Variants in CUX1 observed in about 807,000 individuals in gnomAD.
The protein encoded by CUX1 is cut like homeobox 1.
A neutral mutation model predicts 158.8 loss-of-function variants in CUX1; 31 were observed. That is an observed-to-expected ratio of 0.20 (90% CI 0.15 to 0.26). CUX1 has a LOEUF of 0.26. CUX1 is among the 10% of genes least tolerant of loss of function. The probability of loss-of-function intolerance (pLI) is 1.00; values close to 1 mark genes in which losing one functional copy is unlikely to be tolerated. For synonymous variants in CUX1, 879 were observed against 862.1 expected (o/e 1.02, Z -0.34); for missense variants, 1,589 against 2,014.6 (o/e 0.79, Z 4.04).
intron 6 of CUX1, among the ~76,000 whole-genome samples, chr7:102,110,483 GT>G (rs1338785747): frequency 6.6e-6 from 1 of 152,106 alleles, no homozygotes; most frequent in Admixed American, 6.6e-5. Flanking sequence ...TTACGCTCTA[GT>G]GTGTTACGCA....
At chr7:101,913,132 ATG>A (rs532794112) in intron 1 of CUX1, 116 of 227,104 alleles carry the variant, frequency 5.1e-4, no homozygotes, top group Middle Eastern at 2.0e-3. Context: ...ACTGGTTTTT[ATG>A]TGTGTGTGTG....
intron 1 of CUX1, among the ~76,000 whole-genome samples, chr7:101,905,723 G>T (rs1357397737): frequency 6.6e-6 from 1 of 152,158 alleles, no homozygotes; most frequent in Non-Finnish European, 1.5e-5. Flanking sequence ...CTCCAAGATG[G>T]GAAGGCATTG....
chr7:102,168,243 C>A (rs1015531793), intron 9 of CUX1, among the ~76,000 whole-genome samples: 39 of 152,166 alleles, frequency 2.6e-4, no homozygotes, highest in Non-Finnish European at 5.6e-4. Flanking sequence ...GGCCTAGACA[C>A]ACCCACCCAG....
chr7:102,216,608 A>ACC (rs782157499), intron 20 of CUX1, among the ~76,000 whole-genome samples: 1 of 67,694 alleles, frequency 1.5e-5, no homozygotes, highest in Non-Finnish European at 2.9e-5. Flanking sequence ...CCACACACAC[A>ACC]CACACACTCC....
Position 102,048,444 on chromosome 7 carries a change from T to A in CUX1, c.189+20299T>A, listed in dbSNP as rs143334277. Among the ~76,000 whole-genome samples, 1,122 of 152,244 alleles carry A rather than the reference T, an allele frequency of 7.4e-3. 8 individuals carry two copies. The highest frequency in any genetic ancestry group is 0.012 in the Non-Finnish European group (789 of 68,014). ...GTCACTCGGTTGGAAGGCGTGGTAG[T>A]GTTAGAACCCAGGTGTTTGAACTCG... is the stretch of plus-strand genomic sequence containing the variant. On this transcript the variant is annotated intron_variant, in intron 3 of 23. Transcript: ENST00000292535.
intron 3 of CUX1, among the ~76,000 whole-genome samples, chr7:102,044,138 G>A (rs1401150878): frequency 2.6e-5 from 4 of 151,580 alleles, no homozygotes; most frequent in African/African-American, 4.8e-5. Flanking sequence ...GAGCCACTGC[G>A]CCAGGCCTTA....
chr7:102,202,851 A>G (rs529655083), intron 18 of CUX1, among the ~76,000 whole-genome samples: 13 of 152,286 alleles, frequency 8.5e-5, no homozygotes, highest in Admixed American at 2.6e-4. Flanking sequence ...GTAATCGTGC[A>G]TGGACGAGCT....
At chr7:101,872,239 T>G (rs1275926803) in intron 1 of CUX1, among the ~76,000 whole-genome samples, 1 of 152,136 alleles carries the variant, frequency 6.6e-6, no homozygotes, top group Non-Finnish European at 1.5e-5. Context: ...GTTCAAGTGA[T>G]TCTCATGCTG....
Position 102,189,801 on chromosome 7 carries a change from C to T in CUX1, c.1018-12C>T. On this transcript the variant is annotated splice_polypyrimidine_tract_variant and intron_variant, in intron 11 of 23. Coordinates refer to ENST00000292535, the MANE Select transcript of CUX1 (RefSeq NM_181552.4). Reference sequence around the variant, plus strand: ...AGGCATGGCCACTGATCAAATTCTTCTCTGTTTTCAGCAACTGGAAGAAAA... The same window carrying T: ...AGGCATGGCCACTGATCAAATTCTTTTCTGTTTTCAGCAACTGGAAGAAAA... 6.2e-7 allele frequency: 1 copy of T among 1,614,188 alleles called. No individual in the cohort carries two copies. Among genetic ancestry groups the T allele is most frequent in the South Asian group, 1.1e-5 (1 of 91,088 alleles).
At chr7:102,261,795 T>C (rs1280147634), downstream of CUX1, among the ~76,000 whole-genome samples, 33 of 152,138 alleles carry the variant, frequency 2.2e-4, no homozygotes, top group Non-Finnish European at 2.9e-5. Flanking sequence ...CTAGTGCTTC[T>C]GTTTCTGTCT....
intron 3 of CUX1, among the ~76,000 whole-genome samples, chr7:102,028,415 A>C (rs1160010782): frequency 1.3e-5 from 2 of 152,186 alleles, no homozygotes; most frequent in Non-Finnish European, 2.9e-5. Context: ...TGGTTGCAAC[A>C]GGCAGGTTGT....
intron 8 of CUX1, among the ~76,000 whole-genome samples, chr7:102,116,147 G>T (rs1422781145): frequency 1.3e-5 from 2 of 152,120 alleles, no homozygotes; most frequent in Non-Finnish European, 2.9e-5. Flanking sequence ...GTCCCACCAG[G>T]CTCCACCTCT....
At chr7:102,021,930 T>C (rs577081217) in intron 2 of CUX1, among the ~76,000 whole-genome samples, 59 of 152,256 alleles carry the variant, frequency 3.9e-4, no homozygotes, top group Non-Finnish European at 7.5e-4. Flanking sequence ...CCTCCTTCTA[T>C]GTGTGCATTG....
At chr7:102,156,753 T>G (rs1172173367) in intron 8 of CUX1, among the ~76,000 whole-genome samples, 1 of 151,908 alleles carries the variant, frequency 6.6e-6, no homozygotes, top group Non-Finnish European at 1.5e-5. Flanking sequence ...TCCCCAGGAG[T>G]AGACTTGCCC....
At chr7:102,280,727 C>T in intron 19 of CUX1, 1 of 1,477,632 alleles carries the variant, frequency 6.8e-7, no homozygotes, top group Non-Finnish European at 9.3e-7. Context: ...TGTGGCTGGC[C>T]AGGCCCTGCT....
At chr7:101,886,628 G>A (rs2131601429) in intron 1 of CUX1, among the ~76,000 whole-genome samples, 1 of 152,282 alleles carries the variant, frequency 6.6e-6, no homozygotes, top group South Asian at 2.1e-4. Context: ...GAAAGGCTTA[G>A]GGTCCCCTGC....
rs1165110282 is a variant in CUX1, at chr7:102,250,549, C to T, written c.*1507C>T. 9 of 985,322 alleles carry T rather than the reference C, an allele frequency of 9.1e-6. No homozygotes were observed. The South Asian group carries it at 1.4e-4, about 15-fold the overall frequency. The allele number at this position is 985,322 out of a possible 1,614,324, so 61.0% of individuals were successfully genotyped here. Reference sequence around the variant, plus strand: ...CTTCCTTTCTCTGCAGGAGAGAGAACGTGGCATTCTGGGCTCCCCACTCCC... The same window carrying T: ...CTTCCTTTCTCTGCAGGAGAGAGAATGTGGCATTCTGGGCTCCCCACTCCC... On this transcript the variant is annotated 3_prime_UTR_variant, in exon 24 of 24. Transcript: ENST00000292535.
chr7:102,163,347 T>A (rs1400023666), intron 9 of CUX1, among the ~76,000 whole-genome samples: 6 of 146,832 alleles, frequency 4.1e-5, no homozygotes, highest in African/African-American at 1.5e-4. Context: ...AAAAAAAAAA[T>A]AGCCAGGTGT....
intron 2 of CUX1, among the ~76,000 whole-genome samples, chr7:101,963,260 C>T (rs1371293771): frequency 5.9e-5 from 9 of 152,178 alleles, no homozygotes; most frequent in Non-Finnish European, 1.2e-4. Flanking sequence ...CTCGCCTGTC[C>T]TCCCCCTCAC....
Sources: gnomAD v4.1 joint callset for allele counts (sites outside exome capture counted in the v4.1 genomes callset) on GRCh38, gnomAD v4.1.1 for gene constraint, MANE v1.5 for transcripts, NCBI Gene and HGNC (gene_info 2026-07-23, HGNC 2026-07-21) for gene names.